LRRC4C: variants seen among roughly 807,000 people sequenced by gnomAD.
The protein encoded by LRRC4C is leucine rich repeat containing 4C, also known as leucine-rich repeat-containing protein 4C.
In LRRC4C, 5 loss-of-function variants were observed where a neutral mutation model predicts 33.6. That is an observed-to-expected ratio of 0.15 (90% confidence interval 0.08 to 0.31). The LOEUF (loss-of-function observed/expected upper bound fraction) is 0.31. Among genes scored for constraint, LRRC4C ranks in the 10% least tolerant of loss-of-function variants. LRRC4C has a pLI of 1.00. For synonymous variants in LRRC4C, 329 were observed against 302.0 expected (o/e 1.09, Z -0.93); for missense variants, 560 against 796.7 (o/e 0.70, Z 3.58).
At chr11:40,783,949 T>C (rs894185432) in intron 2 of LRRC4C, among the ~76,000 whole-genome samples, 1 of 152,126 alleles carries the variant, frequency 6.6e-6, no homozygotes, top group Non-Finnish European at 1.5e-5. Context: ...TACTTTAAAG[T>C]GCAACATTCA....
At chr11:40,270,067 G>T (rs1327416417) in intron 4 of LRRC4C, among the ~76,000 whole-genome samples, 1 of 152,138 alleles carries the variant, frequency 6.6e-6, no homozygotes, top group Non-Finnish European at 1.5e-5. Context: ...CATACTGGGG[G>T]ACTGCCAAGC....
intron 1 of LRRC4C, among the ~76,000 whole-genome samples, chr11:40,978,299 C>T (rs989657639): frequency 1.3e-5 from 2 of 152,148 alleles, no homozygotes; most frequent in African/African-American, 4.8e-5. Context: ...AAAAACAAAC[C>T]TTTAAATTCT....
chr11:41,447,115 G>A (rs1955850234), intron 1 of LRRC4C, among the ~76,000 whole-genome samples: 1 of 152,112 alleles, frequency 6.6e-6, no homozygotes, highest in South Asian at 2.1e-4. Context: ...GTGACCATAT[G>A]TCTGGTAGAG....
At chr11:40,401,118 A>C (rs1949741235) in intron 3 of LRRC4C, among the ~76,000 whole-genome samples, 2 of 152,096 alleles carry the variant, frequency 1.3e-5, no homozygotes, top group Non-Finnish European at 2.9e-5. Flanking sequence ...AACTTCATGC[A>C]CTAGCACAGA....
intron 3 of LRRC4C, among the ~76,000 whole-genome samples, chr11:40,321,395 A>G (rs934976169): frequency 1.4e-4 from 21 of 152,224 alleles, no homozygotes; most frequent in African/African-American, 5.1e-4. Flanking sequence ...AACTAATTTA[A>G]GCTTGCATTA....
At chr11:40,452,423 T>C (rs1951931844) in intron 3 of LRRC4C, among the ~76,000 whole-genome samples, 1 of 152,148 alleles carries the variant, frequency 6.6e-6, no homozygotes, top group Non-Finnish European at 1.5e-5. Flanking sequence ...AAAAGACACA[T>C]GAATAAATGC....
chr11:41,300,153 AT>A (rs1950247606), intron 1 of LRRC4C, among the ~76,000 whole-genome samples: 1 of 152,178 alleles, frequency 6.6e-6, no homozygotes, highest in African/African-American at 2.4e-5. Context: ...AGCATTTAGA[AT>A]TTGAAGTGTC....
At position 41,105,291 on chromosome 11, in the gene LRRC4C, C is replaced by G. The variant is rs544189585; in HGVS notation, c.-495-171568G>C. On this transcript the variant is annotated intron_variant, in intron 1 of 6. Transcript: ENST00000528697. ...CCTTGAAAAACTTCTATGCATTATT[C>G]TGAATGCAGTCTAAGCATCATCCCA... Among the ~76,000 whole-genome samples, 4 of 152,056 alleles carry G rather than the reference C, an allele frequency of 2.6e-5. No individual in the cohort carries two copies. The East Asian group carries it at 7.8e-4, about 29-fold the overall frequency.
At chr11:41,205,597 G>A (rs1334711507) in intron 1 of LRRC4C, among the ~76,000 whole-genome samples, 1 of 152,078 alleles carries the variant, frequency 6.6e-6, no homozygotes, top group Non-Finnish European at 1.5e-5. Flanking sequence ...TTGTTTGTTT[G>A]TTTTTCCCAG....
intron 2 of LRRC4C, among the ~76,000 whole-genome samples, chr11:40,884,341 C>G (rs539618414): frequency 5.1e-4 from 78 of 152,126 alleles, no homozygotes; most frequent in African/African-American, 1.7e-3. Context: ...GGTTCCAAGT[C>G]TTTGCTATTG....
intron 2 of LRRC4C, among the ~76,000 whole-genome samples, chr11:40,850,471 A>T (rs1365855837): frequency 6.6e-6 from 1 of 152,210 alleles, no homozygotes; most frequent in Non-Finnish European, 1.5e-5. Flanking sequence ...CAGAGGCTGC[A>T]TAACAGCAAA....
intron 1 of LRRC4C, among the ~76,000 whole-genome samples, chr11:41,284,220 A>G (rs1949753682): frequency 6.6e-6 from 1 of 152,190 alleles, no homozygotes; most frequent in Admixed American, 6.5e-5. Context: ...TGAATTACCT[A>G]TATATTGCTA....
chr11:40,952,908 T>A (rs1016382519), intron 1 of LRRC4C, among the ~76,000 whole-genome samples: 7 of 150,570 alleles, frequency 4.6e-5, no homozygotes, highest in African/African-American at 1.2e-4. Flanking sequence ...TCTCTCTCTC[T>A]CTCTCTCTCT....
chr11:40,908,941 G>A (rs919527043), intron 2 of LRRC4C, among the ~76,000 whole-genome samples: 6 of 152,100 alleles, frequency 3.9e-5, no homozygotes, highest in Non-Finnish European at 8.8e-5. Context: ...ATGCCATTTA[G>A]GGAGTATACA....
intron 3 of LRRC4C, among the ~76,000 whole-genome samples, chr11:40,467,315 C>CT (rs900012564): frequency 9.2e-5 from 14 of 152,072 alleles, no homozygotes; most frequent in African/African-American, 3.1e-4. Context: ...AGACTAATTT[C>CT]TTTTTTTAAA....
chr11:40,132,151 G>T (rs370440742), intron 6 of LRRC4C, among the ~76,000 whole-genome samples: 190 of 152,302 alleles, frequency 1.2e-3, no homozygotes, highest in Middle Eastern at 6.8e-3. Context: ...TGCTTGAAAG[G>T]TCTGTTAGAG....
intron 2 of LRRC4C, among the ~76,000 whole-genome samples, chr11:40,918,306 T>C (rs751117404): frequency 6.6e-6 from 1 of 151,980 alleles, no homozygotes; most frequent in Non-Finnish European, 1.5e-5. Context: ...TGTGTGTGCA[T>C]GTGTGTGTGT....
chr11:41,124,588 T>TC (rs1432412550), intron 1 of LRRC4C, among the ~76,000 whole-genome samples: 1 of 123,516 alleles, frequency 8.1e-6, no homozygotes, highest in Admixed American at 8.0e-5. Flanking sequence ...TTTAAAATGC[T>TC]TTTTAAAAAC....
chr11:40,779,315 A>T (rs1950129639), intron 2 of LRRC4C, among the ~76,000 whole-genome samples: 1 of 152,194 alleles, frequency 6.6e-6, no homozygotes, highest in African/African-American at 2.4e-5. Context: ...TGAATGCCAA[A>T]GCAAGAAATT....
Sources: gnomAD v4.1 joint callset for allele counts (sites outside exome capture counted in the v4.1 genomes callset) on GRCh38, gnomAD v4.1.1 for gene constraint, MANE v1.5 for transcripts, NCBI Gene and HGNC (gene_info 2026-07-23, HGNC 2026-07-21) for gene names.